CDH12: variants seen among roughly 807,000 people sequenced by gnomAD.
CDH12 encodes the protein cadherin-12.
A neutral mutation model predicts 74.1 loss-of-function variants in CDH12; 41 were observed. The observed-to-expected ratio is 0.55, with a 90% CI of 0.43 to 0.72. The LOEUF is 0.72. Ranked by LOEUF, CDH12 falls within the 30% of genes least tolerant of loss-of-function variation. The probability of loss-of-function intolerance (pLI) is 0.00; values close to 1 mark genes in which losing one functional copy is unlikely to be tolerated. For missense variants in CDH12, 945 were observed against 977.2 expected (o/e 0.97, Z 0.44); for synonymous variants, 399 against 355.0 (o/e 1.12, Z -1.39).
intron 2 of CDH12, among the ~76,000 whole-genome samples, chr5:22,448,645 G>A (rs1036200193): frequency 6.6e-6 from 1 of 151,984 alleles, no homozygotes; most frequent in African/African-American, 2.4e-5. Flanking sequence ...GGTAGAATGA[G>A]GTGGCACTGA....
chr5:21,906,931 C>T (rs185931740), intron 6 of CDH12, among the ~76,000 whole-genome samples: 64 of 152,312 alleles, frequency 4.2e-4, no homozygotes, highest in African/African-American at 1.5e-3. Context: ...CCCTCCTCAG[C>T]CTTCCAAAGT....
intron 1 of CDH12, among the ~76,000 whole-genome samples, chr5:22,518,852 G>A (rs1561463117): frequency 6.6e-6 from 1 of 152,144 alleles, no homozygotes; most frequent in Non-Finnish European, 1.5e-5. Context: ...GGAAACAAGA[G>A]AGAAAGTACA....
chr5:22,851,540 A>G (rs1320471326), intron 1 of CDH12, among the ~76,000 whole-genome samples: 1 of 152,292 alleles, frequency 6.6e-6, no homozygotes, highest in East Asian at 1.9e-4. Flanking sequence ...AACTTAATTG[A>G]AAACCTCTTT....
At chr5:21,833,732 C>G (rs1044610694) in intron 8 of CDH12, among the ~76,000 whole-genome samples, 1 of 134,112 alleles carries the variant, frequency 7.5e-6, no homozygotes, top group Non-Finnish European at 1.6e-5. Context: ...CTACCTGTAT[C>G]AGAATCTACC....
At chr5:22,316,094 T>C (rs938550462) in intron 3 of CDH12, among the ~76,000 whole-genome samples, 1 of 152,038 alleles carries the variant, frequency 6.6e-6, no homozygotes, top group Non-Finnish European at 1.5e-5. Context: ...AAGAATTGGG[T>C]TCCTCAGATG....
rs1160116957 is a variant in CDH12, at chr5:21,794,416, T to C, written c.1256+7751A>G. ...ACCAACTTCAGAGAAATAATTCTCT[T>C]GCGGGTCCTAAACACGCAGTATACC... On this transcript the variant is annotated intron_variant, in intron 10 of 14. Coordinates refer to ENST00000382254, the MANE Select transcript of CDH12 (RefSeq NM_004061.5). Among the ~76,000 whole-genome samples, 3 of 151,872 alleles carry C rather than the reference T, an allele frequency of 2.0e-5. No individual in the cohort carries two copies. In the East Asian group the frequency reaches 5.8e-4, roughly 29 times the overall value.
intron 2 of CDH12, among the ~76,000 whole-genome samples, chr5:22,501,198 G>A (rs1438454153): frequency 6.6e-6 from 1 of 152,098 alleles, no homozygotes; most frequent in Non-Finnish European, 1.5e-5. Flanking sequence ...ATGCACCATG[G>A]AATAAAATGC....
intron 2 of CDH12, among the ~76,000 whole-genome samples, chr5:22,424,420 T>G (rs958284011): frequency 1.3e-5 from 2 of 152,192 alleles, no homozygotes; most frequent in African/African-American, 4.8e-5. Context: ...ATGGCCCAGT[T>G]ACCCCTGCTG....
chr5:22,014,789 A>G (rs1737507043), intron 5 of CDH12, among the ~76,000 whole-genome samples: 1 of 152,200 alleles, frequency 6.6e-6, no homozygotes, highest in Non-Finnish European at 1.5e-5. Context: ...TACAGTGATT[A>G]TATCATGACT....
chr5:22,574,438 G>T (rs896036747), intron 1 of CDH12, among the ~76,000 whole-genome samples: 2 of 151,720 alleles, frequency 1.3e-5, no homozygotes, highest in African/African-American at 4.8e-5. Context: ...CCCTTACACT[G>T]TGCCATTTAT....
In CDH12 at chr5:22,030,543, C is replaced by T. The variant is rs142372241; in HGVS notation, c.231+47903G>A. On this transcript the variant is annotated intron_variant, in intron 5 of 14. Coordinates refer to ENST00000382254, the MANE Select transcript of CDH12 (RefSeq NM_004061.5). ...TGCTGTAAGCAGATGTGCTGTCATC[C>T]AGGGTTTGTTGTTTCATTTATATAG... 4.6e-3 allele frequency among the ~76,000 whole-genome samples: 701 copies of T among 152,266 alleles called. 9 individuals carry two copies. Among genetic ancestry groups the T allele is most frequent in the African/African-American group, 0.016 (672 of 41,558 alleles).
At chr5:22,405,202 TGTC>T (rs1742890529) in intron 3 of CDH12, 52 bp downstream of exon 3, 7 of 460,202 alleles carry the variant, frequency 1.5e-5, no homozygotes, top group Non-Finnish European at 1.7e-5. Context: ...AGAGTGAAAC[TGTC>T]TTTAAAAAAA....
intron 1 of CDH12, among the ~76,000 whole-genome samples, chr5:22,607,585 A>G (rs950709459): frequency 6.6e-6 from 1 of 152,214 alleles, no homozygotes; most frequent in Non-Finnish European, 1.5e-5. Context: ...TTACCTCCCC[A>G]TGGGTCCCTC....
intron 4 of CDH12, among the ~76,000 whole-genome samples, chr5:22,201,898 A>G (rs1244766084): frequency 6.6e-6 from 1 of 152,206 alleles, no homozygotes; most frequent in Non-Finnish European, 1.5e-5. Flanking sequence ...ATGGAAAGCC[A>G]GGGGAGAGAA....
At chr5:22,033,057 G>T in intron 5 of CDH12, among the ~76,000 whole-genome samples, 1 of 149,918 alleles carries the variant, frequency 6.7e-6, no homozygotes. Flanking sequence ...AAAAAATGGG[G>T]CCAGGCTGAC....
chr5:22,548,555 C>T (rs1221975529), intron 1 of CDH12, among the ~76,000 whole-genome samples: 1 of 151,972 alleles, frequency 6.6e-6, no homozygotes, highest in East Asian at 1.9e-4. Flanking sequence ...GGTTGGTGAA[C>T]TAGGCTGTTG....
At chr5:22,790,823 T>C (rs995431480) in intron 1 of CDH12, among the ~76,000 whole-genome samples, 1 of 152,190 alleles carries the variant, frequency 6.6e-6, no homozygotes, top group Non-Finnish European at 1.5e-5. Flanking sequence ...ATTATTGGGA[T>C]TGAGCAAGAA....
chr5:22,097,233 C>A (rs1399900779), intron 4 of CDH12, among the ~76,000 whole-genome samples: 1 of 152,170 alleles, frequency 6.6e-6, no homozygotes, highest in African/African-American at 2.4e-5. Flanking sequence ...ACTCACCTGG[C>A]AGCCACTCCC....
At chr5:22,547,580 T>C (rs1738389609) in intron 1 of CDH12, among the ~76,000 whole-genome samples, 1 of 152,188 alleles carries the variant, frequency 6.6e-6, no homozygotes, top group African/African-American at 2.4e-5. Context: ...AAATTTTAGA[T>C]AAAATTAAAA....
Sources: allele counts gnomAD v4.1 joint callset (sites outside exome capture counted in the v4.1 genomes callset), GRCh38; gene constraint gnomAD v4.1.1; transcripts MANE v1.5; gene names NCBI Gene and HGNC (gene_info 2026-07-23, HGNC 2026-07-21).